Variants in DHX30 observed in about 807,000 individuals in gnomAD.
DHX30 encodes ATP-dependent RNA helicase DHX30.
In DHX30, 4 loss-of-function variants were observed where a neutral mutation model predicts 116.9. That is an observed-to-expected ratio of 0.03 (90% CI 0.02 to 0.08). The LOEUF is 0.08. Ranked by LOEUF, DHX30 falls within the 10% of genes least tolerant of loss-of-function variation. The pLI is 1.00. For missense variants in DHX30, 871 were observed against 1,595.1 expected (o/e 0.55, Z 7.73); for synonymous variants, 697 against 651.7 (o/e 1.07, Z -1.06).
chr3:47,825,035 G>T (rs1005990153), intron 4 of DHX30: 4 of 651,492 alleles, frequency 6.1e-6, no homozygotes, highest in Admixed American at 4.5e-5. Flanking sequence ...GTCGGCGGGA[G>T]CACGATGGCG....
rs1304116175 is a variant in DHX30, at chr3:47,845,793, C to T, written c.1033C>T (p.Pro345Ser). The T allele has an allele frequency of 1.9e-6, 3 of 1,611,842 alleles. No individual in the cohort carries two copies. Among genetic ancestry groups the T allele is most frequent in the Non-Finnish European group, 2.5e-6 (3 of 1,178,062 alleles). ...LRELGETQRR[P>S]CTIQVPEPIL... ...TGAGCTGGGTGAGACCCAGCGCCGA[C>T]CATGCACCATCCAGGTGCCCGAGCC... Residue 345 changes from proline to serine, a missense_variant, in exon 10 of 22, where the codon CCA becomes TCA. This residue lies in a region of DHX30 where 175 missense variants were observed against 292.9 expected (regional missense o/e 0.60). Coordinates refer to ENST00000445061, the MANE Select transcript of DHX30 (RefSeq NM_138615.3).
intron 4 of DHX30, among the ~76,000 whole-genome samples, chr3:47,821,097 G>C (rs2036278220): frequency 6.6e-6 from 1 of 151,842 alleles, no homozygotes; most frequent in African/African-American, 2.4e-5. Context: ...GGAACTACAG[G>C]CATGCACCAG....
intron 2 of DHX30, among the ~76,000 whole-genome samples, chr3:47,809,544 G>A (rs539999491): frequency 2.0e-5 from 3 of 152,022 alleles, no homozygotes; most frequent in Non-Finnish European, 4.4e-5. Flanking sequence ...GCGCCTGGCC[G>A]GAATGTAACT....
intron 1 of DHX30, 79 bp from the exon 2 acceptor site, chr3:47,805,247 G>C (rs983848018): frequency 2.5e-6 from 1 of 398,124 alleles, no homozygotes; most frequent in Non-Finnish European, 4.4e-6. Flanking sequence ...GTCCTTGTTA[G>C]AGCTAGTAAA....
intron 6 of DHX30, 90 bp from the exon 7 acceptor site, chr3:47,840,787 A>G (rs1231049321): frequency 1.3e-6 from 2 of 1,540,822 alleles, no homozygotes; most frequent in Non-Finnish European, 1.8e-6. Context: ...CGGCTGCACA[A>G]CACAACTTAA....
intron 3 of DHX30, among the ~76,000 whole-genome samples, chr3:47,811,548 T>C (rs540721304): frequency 7.9e-5 from 12 of 152,234 alleles, no homozygotes; most frequent in African/African-American, 2.9e-4. Flanking sequence ...GTTCTTGCAT[T>C]GGTATAAAAA....
rs550727159 is a variant in DHX30 at position 47,805,430 on chromosome 3, T to C, written c.-28+10T>C. Reference sequence around the variant, plus strand: ...TCATTGCTTTTATAAGGTAAGTTGATTTAGCCGTGCACAGAGCAGTGGTGG... The same window carrying C: ...TCATTGCTTTTATAAGGTAAGTTGACTTAGCCGTGCACAGAGCAGTGGTGG... On this transcript the variant is annotated intron_variant, in intron 2 of 21. Coordinates refer to ENST00000445061, the MANE Select transcript of DHX30 (RefSeq NM_138615.3). 43 of 399,076 alleles carry C rather than the reference T, an allele frequency of 1.1e-4. No homozygotes were observed. The East Asian group carries it at 1.5e-3, about 14-fold the overall frequency. The allele number at this position is 399,076 out of a possible 1,614,324, so 24.7% of individuals were successfully genotyped here. A position where few individuals can be genotyped will look rare whatever the true frequency, so the allele number is the denominator to read the frequency against.
Position 47,845,852 on chromosome 3 carries a change from T to C in DHX30, c.1092T>C (p.His364=), listed in dbSNP as rs370881771. The change falls in exon 10 of 22, where the codon CAT becomes CAC. Residue 364 remains histidine, a splice_region_variant and synonymous_variant. Transcript: ENST00000445061. The stretch of plus-strand genomic sequence containing the variant: ...GCAAGATAGAGACCTTCCTGAACCA[T>C]GTAAGAGGCCCTGCATCCCTCACCA... ...ILRKIETFLN[H]YPVESSWIAP... is the part of the protein sequence containing the mutation. 330 of 1,595,332 alleles carry C rather than the reference T, an allele frequency of 2.1e-4. 5 individuals carry two copies. The South Asian group carries it at 2.8e-3, about 13-fold the overall frequency.
intron 5 of DHX30, among the ~76,000 whole-genome samples, chr3:47,828,688 G>A (rs112612951): frequency 1.3e-5 from 2 of 151,818 alleles, no homozygotes; most frequent in African/African-American, 2.4e-5. Context: ...GGAGAATGGC[G>A]TGAGGCAACA....
rs376840323 is a variant in DHX30, at chr3:47,835,443, C to T, written c.367-5434C>T. 8.5e-5 allele frequency among the ~76,000 whole-genome samples: 13 copies of T among 152,186 alleles called. No homozygotes were observed. The East Asian group carries it at 1.5e-3, about 18-fold the overall frequency. On this transcript the variant is annotated intron_variant, in intron 6 of 21. Coordinates refer to ENST00000445061, the MANE Select transcript of DHX30 (RefSeq NM_138615.3). The stretch of plus-strand genomic sequence containing the variant: ...TCGGCTTCCCATAGTGCTGGGATTA[C>T]AGGTGTGAGCCACTGTGCCCGGCCA...
chr3:47,841,261 T>C (rs2037363113), intron 7 of DHX30, 83 bp downstream of exon 7: 1 of 1,540,684 alleles, frequency 6.5e-7, no homozygotes, highest in Admixed American at 2.1e-5. Context: ...TAGCTTTCTC[T>C]GAGATGGGAG....
chr3:47,845,867 A>ATCCC lies in DHX30; in HGVS notation c.1092+18_1092+21dup. 6.3e-7 allele frequency: 1 copy of ATCCC among 1,589,926 alleles called. No individual in the cohort carries two copies. The highest frequency in any genetic ancestry group is 1.1e-5 in the South Asian group (1 of 89,716). Reference sequence around the variant, plus strand: ...TCCTGAACCATGTAAGAGGCCCTGCATCCCTCACCACCCCTGCTCCCTGTA... The same window carrying ATCCC: ...TCCTGAACCATGTAAGAGGCCCTGCATCCCTCCCTCACCACCCCTGCTCCCTGTA... On this transcript the variant is annotated intron_variant, in intron 10 of 21. Coordinates refer to ENST00000445061, the MANE Select transcript of DHX30 (RefSeq NM_138615.3).
In DHX30 at chr3:47,849,182, G is replaced by A; in HGVS notation, c.2930-10G>A. 1.9e-6 allele frequency: 3 copies of A among 1,613,502 alleles called. No individual in the cohort carries two copies. Among genetic ancestry groups the A allele is most frequent in the South Asian group, 1.1e-5 (1 of 91,032 alleles). On this transcript the variant is annotated splice_polypyrimidine_tract_variant and intron_variant, in intron 18 of 21. Transcript: ENST00000445061. ...GGGCTGTAGGTCCACCACACATTCTGTCTCCCTAGGACTCATCAAGCAGTT... is the reference window on the plus strand; with the variant it reads ...GGGCTGTAGGTCCACCACACATTCTATCTCCCTAGGACTCATCAAGCAGTT...
intron 6 of DHX30, among the ~76,000 whole-genome samples, chr3:47,840,373 G>A (rs2037317003): frequency 2.6e-5 from 4 of 151,462 alleles, no homozygotes; most frequent in South Asian, 2.1e-4. Flanking sequence ...GGCTTGGTGC[G>A]GTGGCTCATG....
chr3:47,811,230 A>C (rs1161600348), intron 3 of DHX30, among the ~76,000 whole-genome samples: 1 of 152,074 alleles, frequency 6.6e-6, no homozygotes, highest in African/African-American at 2.4e-5. Context: ...CTGGGATTAC[A>C]GGTGTGAGCC....
rs781688071 is a variant in DHX30 at position 47,848,000 on chromosome 3, C to A, written c.2286+44C>A. 3 of 1,607,674 alleles carry A rather than the reference C, an allele frequency of 1.9e-6. No homozygotes were observed. The highest frequency in any genetic ancestry group is 2.7e-5 in the African/African-American group (2 of 74,846). Reference sequence around the variant, plus strand: ...GCCCGGCCAACCACTGGGGGAGGGACTCCGTTTTGAGGTGGTCCCCAGCCC... The same window carrying A: ...GCCCGGCCAACCACTGGGGGAGGGAATCCGTTTTGAGGTGGTCCCCAGCCC... On this transcript the variant is annotated intron_variant, in intron 14 of 21. Transcript: ENST00000445061. The surrounding 1 kb of genome is among the most constrained non-coding windows in gnomAD (Gnocchi z 5.5).
chr3:47,812,010 G>A (rs546826880), intron 3 of DHX30, among the ~76,000 whole-genome samples: 7 of 142,280 alleles, frequency 4.9e-5, no homozygotes, highest in South Asian at 4.7e-4. Context: ...GTTGCAGTGA[G>A]CCGAGATTAC....
chr3:47,824,043 C>T (rs2036422145), intron 4 of DHX30, among the ~76,000 whole-genome samples: 1 of 145,716 alleles, frequency 6.9e-6, no homozygotes, highest in Admixed American at 7.0e-5. Context: ...TGCTCTGTCA[C>T]CCAGGCTGAA....
intron 6 of DHX30, among the ~76,000 whole-genome samples, 180 bp downstream of exon 6, chr3:47,829,314 A>ATATATATT (rs1177077114): frequency 1.2e-4 from 4 of 34,190 alleles, no homozygotes; most frequent in African/African-American, 3.4e-4. Context: ...ATATATATAT[A>ATATATATT]TTTTTTTTTT....
Sources: gnomAD v4.1 joint callset for allele counts (sites outside exome capture counted in the v4.1 genomes callset) on GRCh38, gnomAD v4.1.1 for gene constraint, gnomAD v4.1.1 regional missense constraint, Gnocchi (gnomAD v3.1) non-coding constraint, MANE v1.5 for transcripts, NCBI Gene and HGNC (gene_info 2026-07-23, HGNC 2026-07-21) for gene names.